The following ADAM9 variants were observed in gnomAD, a reference collection of about 807,000 sequenced individuals.
ADAM9 encodes the protein ADAM metallopeptidase domain 9, also known as disintegrin and metalloproteinase domain-containing protein 9.
ADAM9 carries 54 observed loss-of-function variants against 108.1 expected under a neutral mutation model. That is an observed-to-expected ratio of 0.50 (90% CI 0.40 to 0.63). ADAM9 has a LOEUF of 0.63. ADAM9 is among the 20% of genes least tolerant of loss of function. The pLI is 0.00. For synonymous variants in ADAM9, 316 were observed against 336.0 expected, an observed-to-expected ratio of 0.94 and a Z score of 0.65; for missense variants, 830 against 997.7, an observed-to-expected ratio of 0.83 and a Z score of 2.26.
chr8:39,025,451 CAT>C (rs1371522997), intron 9 of ADAM9, among the ~76,000 whole-genome samples: 1 of 152,126 alleles, frequency 6.6e-6, no homozygotes, highest in East Asian at 1.9e-4. Context: ...CCCGTGTAAA[CAT>C]ATTCATTTCA....
intron 14 of ADAM9, among the ~76,000 whole-genome samples, chr8:39,060,254 A>G (rs966432946): frequency 5.9e-5 from 9 of 152,300 alleles, no homozygotes; most frequent in Non-Finnish European, 7.4e-5. Context: ...CCTATAGGGA[A>G]CTGTCGGAGG....
chr8:39,101,972 C>T, intron 21 of ADAM9, 42 bp downstream of exon 21: 1 of 1,495,514 alleles, frequency 6.7e-7, no homozygotes, highest in Non-Finnish European at 9.3e-7. Context: ...CAGAATAAAA[C>T]CTAGGGGTTA....
At chr8:39,045,256 GTATATATGTGTA>G in intron 12 of ADAM9, among the ~76,000 whole-genome samples, 3 of 143,820 alleles carry the variant, frequency 2.1e-5, no homozygotes, top group African/African-American at 7.6e-5. Flanking sequence ...ACATATATGT[GTATATATGTGTA>G]TACATACATA....
In ADAM9 at chr8:39,013,982, A is replaced by G; in HGVS notation, c.272A>G (p.Asp91Gly). The change falls in exon 4 of 22, where the codon GAT (aspartate) becomes GGT (glycine). Residue 91 changes from aspartate (D) to glycine (G), a missense_variant. Around this residue, in one of 3 missense-constraint regions of ADAM9, gnomAD observed 211 missense variants for 222.2 expected, o/e 0.95. Coordinates refer to ENST00000487273, the MANE Select transcript of ADAM9 (RefSeq NM_003816.3). ...LERNKDLLPEDFVVYTYNKEG... is the reference protein window; with the variant it reads ...LERNKDLLPEGFVVYTYNKEG... Reference sequence around the variant, plus strand: ...TCTTCCAGAGACCTTTTGCCTGAAGATTTTGTGGTTTATACTTACAACAAG... The same window carrying G: ...TCTTCCAGAGACCTTTTGCCTGAAGGTTTTGTGGTTTATACTTACAACAAG... 2 of 1,613,540 alleles carry G rather than the reference A, an allele frequency of 1.2e-6. No individual in the cohort carries two copies. Among genetic ancestry groups the G allele is most frequent in the Non-Finnish European group, 1.7e-6 (2 of 1,179,620 alleles).
intron 14 of ADAM9, among the ~76,000 whole-genome samples, chr8:39,070,527 A>G (rs2129441232): frequency 6.6e-6 from 1 of 152,320 alleles, no homozygotes; most frequent in Non-Finnish European, 1.5e-5. Context: ...GCCACAAAAC[A>G]TATTTTTATT....
At chr8:39,045,288 G>C (rs1407097707) in intron 12 of ADAM9, among the ~76,000 whole-genome samples, 1 of 99,860 alleles carries the variant, frequency 1.0e-5, no homozygotes. Flanking sequence ...ATGTATATGT[G>C]TGTGTACACC....
At chr8:39,045,081 T>G (rs1427161714) in intron 12 of ADAM9, among the ~76,000 whole-genome samples, 1 of 30,482 alleles carries the variant, frequency 3.3e-5, no homozygotes, top group African/African-American at 1.3e-4. Flanking sequence ...TATGTGTGTG[T>G]GCATACATAC....
intron 14 of ADAM9, among the ~76,000 whole-genome samples, chr8:39,062,083 A>G (rs1838318117): frequency 6.6e-6 from 1 of 152,122 alleles, no homozygotes; most frequent in South Asian, 2.1e-4. Flanking sequence ...CCTAACTCTG[A>G]TTACCTCCCA....
intron 1 of ADAM9, among the ~76,000 whole-genome samples, chr8:39,007,489 G>A (rs1836201222): frequency 6.6e-6 from 1 of 152,186 alleles, no homozygotes; most frequent in African/African-American, 2.4e-5. Context: ...GATGAGTGAA[G>A]GGTGCTAGAC....
At chr8:39,069,189 G>A (rs540877420) in intron 14 of ADAM9, among the ~76,000 whole-genome samples, 10 of 151,606 alleles carry the variant, frequency 6.6e-5, no homozygotes, top group African/African-American at 1.9e-4. Flanking sequence ...ATTTCTTTTC[G>A]GCTTCTAAGT....
At chr8:39,012,144 C>T (rs1836375942) in intron 3 of ADAM9, among the ~76,000 whole-genome samples, 1 of 152,260 alleles carries the variant, frequency 6.6e-6, no homozygotes, top group Non-Finnish European at 1.5e-5. Context: ...AGGCATGACC[C>T]CCAGAGTCCT....
chr8:39,013,501 T>TC (rs1303372402), intron 3 of ADAM9, among the ~76,000 whole-genome samples: 3 of 149,876 alleles, frequency 2.0e-5, no homozygotes, highest in East Asian at 1.9e-4. Context: ...TTTTTTTTTT[T>TC]CTCCTTTTTT....
In ADAM9 at chr8:39,026,681, G is replaced by A; in HGVS notation, c.1001G>A (p.Gly334Glu). The A allele has an allele frequency of 6.2e-7, 1 of 1,614,126 alleles. No individual in the cohort carries two copies. Among genetic ancestry groups the A allele is most frequent in the South Asian group, 1.1e-5 (1 of 91,084 alleles). The change falls in exon 11 of 22, where the codon GGA (glycine) becomes GAA (glutamate). Residue 334 changes from glycine to glutamate, a missense_variant. This residue lies in a region of ADAM9 where 381 missense variants were observed against 539.8 expected (regional missense o/e 0.71). Transcript: ENST00000487273. ...CTACCTTCCTGTTCTGAACAGTTTG[G>A]ACAAATCACTGTGGAGACATTTGCT... ...RSHAGGINVF[G>E]QITVETFASI... is the part of the protein sequence containing the mutation.
At chr8:39,041,821 C>T (rs1837463033) in intron 11 of ADAM9, 125 bp from the exon 12 acceptor site, 1 of 815,526 alleles carries the variant, frequency 1.2e-6, no homozygotes, top group African/African-American at 1.7e-5. Flanking sequence ...TCATTTCTGT[C>T]CACTTTTATT....
At chr8:39,087,928 A>G (rs1431708107) in intron 18 of ADAM9, among the ~76,000 whole-genome samples, 1 of 152,236 alleles carries the variant, frequency 6.6e-6, no homozygotes, top group African/African-American at 2.4e-5. Context: ...TAACATAAAC[A>G]GTTGATTACC....
At chr8:39,054,380 T>A in intron 12 of ADAM9, 101 bp from the exon 13 acceptor site, 1 of 1,025,932 alleles carries the variant, frequency 9.7e-7, no homozygotes, top group South Asian at 1.3e-5. Context: ...GCTACAATCA[T>A]GTTAGAATGA....
chr8:39,025,724 T>G, intron 9 of ADAM9, 79 bp from the exon 10 acceptor site: 1 of 1,368,806 alleles, frequency 7.3e-7, no homozygotes, highest in Non-Finnish European at 1.0e-6. Flanking sequence ...CCCAATCCAG[T>G]TGAGATTATT....
At chr8:39,001,100 C>G (rs934831864) in intron 1 of ADAM9, among the ~76,000 whole-genome samples, 1 of 152,090 alleles carries the variant, frequency 6.6e-6, no homozygotes, top group Non-Finnish European at 1.5e-5. Flanking sequence ...TCTAATCAGT[C>G]TTATTGAAAG....
At position 39,037,795 on chromosome 8, in the gene ADAM9, A is replaced by G. The variant is rs191156422; in HGVS notation, c.1131-4151A>G. 4.9e-4 allele frequency among the ~76,000 whole-genome samples: 75 copies of G among 152,336 alleles called. 1 individual carries two copies. The highest frequency in any genetic ancestry group is 9.0e-4 in the Non-Finnish European group (61 of 68,030). On this transcript the variant is annotated intron_variant, in intron 11 of 21. Transcript: ENST00000487273. The stretch of plus-strand genomic sequence containing the variant: ...CAACAGTACAAAATAAAAAACAATT[A>G]CAAGCCTCTGTTTAAACTGCAGTCT...
Sources: allele counts gnomAD v4.1 joint callset (sites outside exome capture counted in the v4.1 genomes callset), GRCh38; gene constraint gnomAD v4.1.1; regional missense constraint gnomAD v4.1.1; transcripts MANE v1.5; gene names NCBI Gene and HGNC (gene_info 2026-07-23, HGNC 2026-07-21).